The following TOPAZ1 variants were observed in gnomAD, a reference collection of about 807,000 sequenced individuals.
TOPAZ1 encodes protein TOPAZ1.
Under a neutral mutation model 172.2 loss-of-function variants are expected in TOPAZ1, and 66 were observed. The ratio of observed to expected loss-of-function variants is 0.38; its 90% CI spans 0.31 to 0.47. TOPAZ1 has a LOEUF of 0.47. Ranked by LOEUF, TOPAZ1 falls within the 20% of genes least tolerant of loss-of-function variation. The pLI, the probability that TOPAZ1 is intolerant of heterozygous loss-of-function variation, is 0.99. For synonymous variants in TOPAZ1, 681 were observed against 683.9 expected (o/e 1.00, Z 0.07); for missense variants, 1,822 against 1,972.4 (o/e 0.92, Z 1.44).
At chr3:44,312,357 G>C (rs1700406373) in intron 16 of TOPAZ1, among the ~76,000 whole-genome samples, 1 of 152,014 alleles carries the variant, frequency 6.6e-6, no homozygotes, top group African/African-American at 2.4e-5. Context: ...GAATGCACAA[G>C]AAACTAGTAA....
Position 44,270,719 on chromosome 3 carries a change from A to G in TOPAZ1, c.3281A>G (p.Tyr1094Cys). The G allele has an allele frequency of 6.4e-7, 1 of 1,550,886 alleles. No individual in the cohort carries two copies. Among genetic ancestry groups the G allele is most frequent in the Non-Finnish European group, 8.7e-7 (1 of 1,146,470 alleles). ...FQKSLGLMIP[Y>C]KYCKFHFNTL... ...AAGTCCCTAGGGTTGATGATACCCT[A>G]TAAATATTGCAAATTTCATTTTAAT... Residue 1094 changes from tyrosine to cysteine, a missense_variant, in exon 8 of 20, where the codon TAT becomes TGT. Around this residue, in one of 2 missense-constraint regions of TOPAZ1, gnomAD observed 1,489 missense variants for 1,490.8 expected, o/e 1.00. Transcript: ENST00000309765.
chr3:44,298,191 C>T (rs1238966817), intron 12 of TOPAZ1, among the ~76,000 whole-genome samples: 1 of 152,126 alleles, frequency 6.6e-6, no homozygotes, highest in Admixed American at 6.5e-5. Context: ...AGGCTGGGTG[C>T]AGTGGCTCAC....
intron 16 of TOPAZ1, among the ~76,000 whole-genome samples, chr3:44,320,425 G>A (rs1386383811): frequency 2.6e-5 from 4 of 152,058 alleles, no homozygotes; most frequent in African/African-American, 7.2e-5. Context: ...GCGAAACTCC[G>A]TCTCTACTTA....
intron 2 of TOPAZ1, among the ~76,000 whole-genome samples, chr3:44,252,805 C>T (rs987393865): frequency 1.5e-5 from 2 of 135,460 alleles, no homozygotes; most frequent in East Asian, 5.5e-4. Context: ...AGGAGGGAGG[C>T]GTCTTCATTT....
rs1213933282 is a variant in TOPAZ1 at position 44,243,346 on chromosome 3, C to T, written c.840C>T (p.Leu280=). The change falls in exon 2 of 20, where the codon CTC becomes CTT. Residue 280 remains leucine (L), a synonymous_variant. Coordinates refer to ENST00000309765, the MANE Select transcript of TOPAZ1 (RefSeq NM_001145030.2). ...GTGACACAAATAGTATTCCTCAGCT[C>T]TTACAAACAGAAGAAAATGTAATGG... ...EKSDTNSIPQ[L]LQTEENVMGV... 1.3e-6 allele frequency: 2 copies of T among 1,551,044 alleles called. No homozygotes were observed. The highest frequency in any genetic ancestry group is 1.7e-6 in the Non-Finnish European group (2 of 1,146,824).
At chr3:44,293,254 G>A (rs879885764) in intron 12 of TOPAZ1, among the ~76,000 whole-genome samples, 20 of 152,162 alleles carry the variant, frequency 1.3e-4, no homozygotes, top group Non-Finnish European at 2.2e-4. Flanking sequence ...ACTGGTCTAT[G>A]TATTTACTGT....
Position 44,243,735 on chromosome 3 carries a change from A to T in TOPAZ1, c.1229A>T (p.His410Leu). ...ETVEKETSSEHHVNAVFQKTI... is the reference protein window; with the variant it reads ...ETVEKETSSELHVNAVFQKTI... ...GTAGAAAAAGAAACAAGTTCTGAAC[A>T]TCATGTAAATGCTGTGTTTCAGAAA... The change falls in exon 2 of 20, where the codon CAT becomes CTT. Residue 410 changes from histidine to leucine, a missense_variant. Coordinates refer to ENST00000309765, the MANE Select transcript of TOPAZ1 (RefSeq NM_001145030.2). 1 of 1,551,624 alleles carries T rather than the reference A, an allele frequency of 6.4e-7. No individual in the cohort carries two copies. The highest frequency in any genetic ancestry group is 8.7e-7 in the Non-Finnish European group (1 of 1,146,970).
At chr3:44,305,830 G>A (rs1009407598) in intron 14 of TOPAZ1, among the ~76,000 whole-genome samples, 2 of 152,094 alleles carry the variant, frequency 1.3e-5, no homozygotes, top group African/African-American at 4.8e-5. Flanking sequence ...GTTAGATTAT[G>A]GTAAAAGGTC....
At chr3:44,267,187 A>C in intron 6 of TOPAZ1, 51 bp downstream of exon 6, 4 of 1,384,854 alleles carry the variant, frequency 2.9e-6, no homozygotes, top group South Asian at 1.8e-5. Context: ...TGATATAGAA[A>C]CTAGGAGATT....
At chr3:44,275,431 C>T (rs934184819) in intron 8 of TOPAZ1, among the ~76,000 whole-genome samples, 6 of 152,044 alleles carry the variant, frequency 3.9e-5, no homozygotes, top group Non-Finnish European at 5.9e-5. Flanking sequence ...TTAGCTCCCA[C>T]GTAAGAGTGA....
chr3:44,287,721 G>T (rs1700095124), intron 10 of TOPAZ1, 26 bp from the exon 11 acceptor site: 3 of 1,206,542 alleles, frequency 2.5e-6, no homozygotes, highest in Non-Finnish European at 3.5e-6. Flanking sequence ...ATCTGAAAAT[G>T]AGTGTAATTT....
intron 12 of TOPAZ1, among the ~76,000 whole-genome samples, chr3:44,300,409 CAG>C: frequency 6.8e-6 from 1 of 146,546 alleles, no homozygotes; most frequent in Non-Finnish European, 1.5e-5. Flanking sequence ...GCTTGGGCGA[CAG>C]AGTGAGACGT....
intron 4 of TOPAZ1, among the ~76,000 whole-genome samples, chr3:44,260,830 G>A (rs142645744): frequency 3.8e-4 from 58 of 152,050 alleles, no homozygotes; most frequent in African/African-American, 1.4e-3. Flanking sequence ...AAACCTAAAA[G>A]GTATTTTGGC....
intron 12 of TOPAZ1, among the ~76,000 whole-genome samples, chr3:44,296,951 C>T (rs1700205782): frequency 6.6e-6 from 1 of 150,712 alleles, no homozygotes; most frequent in African/African-American, 2.4e-5. Flanking sequence ...GTGGGTGGAT[C>T]ACCTGAGGTC....
intron 9 of TOPAZ1, among the ~76,000 whole-genome samples, chr3:44,284,918 C>A (rs1700061602): frequency 6.6e-6 from 1 of 152,074 alleles, no homozygotes; most frequent in Non-Finnish European, 1.5e-5. Flanking sequence ...AAGCTATTAT[C>A]TTCAATATTT....
chr3:44,308,843 CAT>C (rs1700365252), intron 15 of TOPAZ1, among the ~76,000 whole-genome samples: 1 of 152,082 alleles, frequency 6.6e-6, no homozygotes, highest in Non-Finnish European at 1.5e-5. Flanking sequence ...GTAAACTAAA[CAT>C]ATCCCTTTAA....
chr3:44,323,799 T>TA (rs1185002067), intron 18 of TOPAZ1, among the ~76,000 whole-genome samples: 1 of 152,232 alleles, frequency 6.6e-6, no homozygotes, highest in Admixed American at 6.5e-5. Context: ...TTAATCTACT[T>TA]ACAGCTGTTG....
In TOPAZ1 at chr3:44,243,292, A is replaced by G. The variant is rs1221612144; in HGVS notation, c.786A>G (p.Lys262=). 3.9e-6 allele frequency: 6 copies of G among 1,551,482 alleles called. No homozygotes were observed. The highest frequency in any genetic ancestry group is 1.4e-5 in the African/African-American group (1 of 73,064). The change falls in exon 2 of 20, where the codon AAA becomes AAG. Residue 262 remains lysine, a synonymous_variant. Transcript: ENST00000309765. ...ATGTAGCAGAAAATTTCTCAAAGAA[A>G]GAAAACCTTAGGAGTCTTGCAGAGA... The part of the protein sequence containing the change: ...CMHVAENFSK[K]ENLRSLAEKS...
At chr3:44,316,358 A>G (rs1178767413) in intron 16 of TOPAZ1, among the ~76,000 whole-genome samples, 1 of 152,230 alleles carries the variant, frequency 6.6e-6, no homozygotes, top group African/African-American at 2.4e-5. Context: ...TGTGATCTTT[A>G]TAATTTTTTA....
Sources: gnomAD v4.1 joint callset for allele counts (sites outside exome capture counted in the v4.1 genomes callset) on GRCh38, gnomAD v4.1.1 for gene constraint, gnomAD v4.1.1 regional missense constraint, MANE v1.5 for transcripts, NCBI Gene and HGNC (gene_info 2026-07-23, HGNC 2026-07-21) for gene names.